NRL: variants seen among roughly 807,000 people sequenced by gnomAD.
The protein encoded by NRL is neural retina leucine zipper.
Under a neutral mutation model 12.5 loss-of-function variants are expected in NRL, and 16 were observed. That is an observed-to-expected ratio of 1.28 (90% CI 0.87 to 1.95). The LOEUF (loss-of-function observed/expected upper bound fraction) is 1.95, where lower values mean the gene tolerates loss of function less well. NRL is among the 30% of genes most tolerant of loss of function. NRL has a pLI of 0.00. For missense variants in NRL, 314 were observed against 325.8 expected (o/e 0.96, Z 0.28); for synonymous variants, 142 against 150.9 (o/e 0.94, Z 0.43).
At chr14:24,102,653 A>G in intron 1 of NRL, 1 of 486,196 alleles carries the variant, frequency 2.1e-6, no homozygotes, top group Non-Finnish European at 3.0e-6. Context: ...TGATGAGGCA[A>G]AAAAAAAAAA....
intron 1 of NRL, among the ~76,000 whole-genome samples, chr14:24,104,539 T>C (rs1347727359): frequency 1.3e-5 from 2 of 149,050 alleles, no homozygotes; most frequent in African/African-American, 5.0e-5. Context: ...TTTGGGAAGC[T>C]GAGGCAGGAG....
At chr14:24,093,982 G>C (rs2036725762) in intron 1 of NRL, 1 of 496,440 alleles carries the variant, frequency 2.0e-6, no homozygotes, top group African/African-American at 2.0e-5. Context: ...CTCGCCCCTC[G>C]TTCCTAGCTT....
chr14:24,090,533 A>T (rs2036594177), intron 1 of NRL, among the ~76,000 whole-genome samples: 2 of 152,196 alleles, frequency 1.3e-5, no homozygotes, highest in African/African-American at 2.4e-5. Context: ...GTGCTCAAGG[A>T]AGTACTCAGC....
intron 1 of NRL, among the ~76,000 whole-genome samples, chr14:24,107,003 G>A (rs1010586246): frequency 2.6e-5 from 4 of 152,162 alleles, no homozygotes; most frequent in Admixed American, 1.3e-4. Flanking sequence ...TTTAATACAT[G>A]TTAGCTATCA....
intron 1 of NRL, among the ~76,000 whole-genome samples, chr14:24,097,564 CAA>C (rs61077083): frequency 2.2e-4 from 31 of 138,880 alleles, no homozygotes; most frequent in Non-Finnish European, 2.3e-4. Context: ...AACTCTGTCT[CAA>C]AAAAAAAAAA....
At chr14:24,086,811 G>A (rs981115278) in intron 1 of NRL, among the ~76,000 whole-genome samples, 1 of 152,230 alleles carries the variant, frequency 6.6e-6, no homozygotes, top group Non-Finnish European at 1.5e-5. Context: ...AACAAGCTCA[G>A]GCGAGTTGAG....
At chr14:24,108,524 G>A (rs983978927) in intron 1 of NRL, among the ~76,000 whole-genome samples, 1 of 150,862 alleles carries the variant, frequency 6.6e-6, no homozygotes. Flanking sequence ...TAGAGATGGG[G>A]TCTCACTATG....
chr14:24,113,357 A>G (rs2037455603), intron 1 of NRL, among the ~76,000 whole-genome samples: 1 of 149,876 alleles, frequency 6.7e-6, no homozygotes, highest in South Asian at 2.1e-4. Context: ...GTGCACATGT[A>G]CCCTAAAACT....
Position 24,081,867 on chromosome 14 carries a change from G to C in NRL, c.382-299C>G. 1.5e-6 allele frequency: 2 copies of C among 1,362,944 alleles called. No individual in the cohort carries two copies. Among genetic ancestry groups the C allele is most frequent in the Non-Finnish European group, 1.9e-6 (2 of 1,054,692 alleles). The allele number at this position is 1,362,944 out of a possible 1,614,324, so 84.4% of individuals were successfully genotyped here. On this transcript the variant is annotated intron_variant, in intron 2 of 2. Coordinates refer to ENST00000561028, the MANE Select transcript of NRL (RefSeq NM_001354768.3). The surrounding 1 kb of genome is among the most constrained non-coding windows in gnomAD (Gnocchi z 4.4). ...CCCGGGCTCGTCTCTGGGATCCCCGGCATCCAGCTCCAGGCCCGGGTGTGT... is the reference window on the plus strand; with the variant it reads ...CCCGGGCTCGTCTCTGGGATCCCCGCCATCCAGCTCCAGGCCCGGGTGTGT...
chr14:24,113,780 G>A (rs569990090), intron 1 of NRL, among the ~76,000 whole-genome samples: 109 of 152,352 alleles, frequency 7.2e-4, no homozygotes, highest in Middle Eastern at 6.8e-3. Flanking sequence ...GCCCTCACTG[G>A]GAGAGGCCCC....
chr14:24,089,156 T>C (rs1005392755), intron 1 of NRL, among the ~76,000 whole-genome samples: 12 of 151,898 alleles, frequency 7.9e-5, no homozygotes, highest in Non-Finnish European at 1.5e-4. Context: ...AGGCTGGTCT[T>C]GAACTCCTGA....
intron 1 of NRL, chr14:24,104,062 C>T: frequency 2.6e-6 from 2 of 768,626 alleles, no homozygotes; most frequent in South Asian, 3.3e-5. Context: ...TAACTAACAT[C>T]TTCAATGTGC....
chr14:24,094,744 C>A lies in NRL; in HGVS notation c.-27-11869G>T. ...TCCTCTCTGCTGAGCCAGGTCTCCGCATATCCTCCTTTCCTTCCCAGATAC... is the reference window on the plus strand; with the variant it reads ...TCCTCTCTGCTGAGCCAGGTCTCCGAATATCCTCCTTTCCTTCCCAGATAC... On this transcript the variant is annotated intron_variant, in intron 1 of 2. Transcript: ENST00000561028. This position sits in a 1 kb window ranked among gnomAD's most constrained non-coding sequence, Gnocchi z 4.1. 1 of 1,473,868 alleles carries A rather than the reference C, an allele frequency of 6.8e-7. No homozygotes were observed. Among genetic ancestry groups the A allele is most frequent in the Non-Finnish European group, 9.0e-7 (1 of 1,107,424 alleles). 91.3% of individuals were successfully genotyped at this position (1,473,868 alleles called of 1,614,324 possible).
chr14:24,084,866 TC>T, intron 1 of NRL: 1 of 267,978 alleles, frequency 3.7e-6, no homozygotes. Flanking sequence ...GTGCTCAGTT[TC>T]CCAGTTCGGA....
chr14:24,091,138 T>C (rs2036619118), intron 1 of NRL, among the ~76,000 whole-genome samples: 1 of 149,144 alleles, frequency 6.7e-6, no homozygotes, highest in South Asian at 2.1e-4. Context: ...TGTGTGTGTG[T>C]GTGTGTGTGT....
rs1482597592 is a variant in NRL, at chr14:24,082,871, T to C, written c.-23A>G. On this transcript the variant is annotated 5_prime_UTR_variant, in exon 2 of 3. Transcript: ENST00000561028. ...CATTCTGGAGCTGGGCTGGGAGGAG[T>C]GCACCTGCAAAGAGGAGGAGAGGTC... is the stretch of plus-strand genomic sequence containing the variant. 6.2e-7 allele frequency: 1 copy of C among 1,602,976 alleles called. No individual in the cohort carries two copies.
At position 24,111,885 on chromosome 14, in the gene NRL, C is replaced by T. The variant is rs548685427; in HGVS notation, c.-28+2837G>A. The stretch of plus-strand genomic sequence containing the variant: ...CTTCCAACACTATGTTGAATAGGAG[C>T]GGTGAGAGAGGGCATCCCTGTCTTG... On this transcript the variant is annotated intron_variant, in intron 1 of 2. Transcript: ENST00000561028. 3.5e-3 allele frequency among the ~76,000 whole-genome samples: 417 copies of T among 120,562 alleles called. 1 individual carries two copies. The highest frequency in any genetic ancestry group is 8.7e-3 in the African/African-American group (266 of 30,584). The allele number at this position is 120,562 out of a possible 152,430, so 79.1% of individuals were successfully genotyped here. A position where few individuals can be genotyped will look rare whatever the true frequency, so the allele number is the denominator to read the frequency against.
chr14:24,096,459 T>C (rs1316144718), intron 1 of NRL, among the ~76,000 whole-genome samples: 4 of 152,012 alleles, frequency 2.6e-5, no homozygotes, highest in Admixed American at 2.0e-4. Flanking sequence ...ATGGTCTTGA[T>C]CTCCTGACCT....
At chr14:24,095,366 G>C in intron 1 of NRL, 1 of 401,700 alleles carries the variant, frequency 2.5e-6, no homozygotes, top group Non-Finnish European at 5.1e-6. Context: ...CTCTGAGGCA[G>C]GAACAGACCC....
Sources: allele counts gnomAD v4.1 joint callset (sites outside exome capture counted in the v4.1 genomes callset), GRCh38; gene constraint gnomAD v4.1.1; non-coding constraint Gnocchi (gnomAD v3.1); transcripts MANE v1.5; gene names NCBI Gene and HGNC (gene_info 2026-07-23, HGNC 2026-07-21).